Variants in NCKAP5 observed in about 807,000 individuals in gnomAD.
NCKAP5 encodes nck-associated protein 5.
Under a neutral mutation model 167.0 loss-of-function variants are expected in NCKAP5, and 92 were observed. That is an observed-to-expected ratio of 0.55 (90% CI 0.47 to 0.66). The LOEUF is 0.66. Among genes scored for constraint, NCKAP5 ranks in the 30% least tolerant of loss-of-function variants. The pLI, the probability that NCKAP5 is intolerant of heterozygous loss-of-function variation, is 0.00. For synonymous variants in NCKAP5, 891 were observed against 877.4 expected (o/e 1.02, Z -0.27); for missense variants, 2,378 against 2,315.0 (o/e 1.03, Z -0.56).
Position 133,514,157 on chromosome 2 carries a change from A to G in NCKAP5, c.69+3301T>C, listed in dbSNP as rs113364338. Among the ~76,000 whole-genome samples the G allele has an allele frequency of 2.3e-3, 347 of 152,282 alleles. 1 individual carries two copies. The highest frequency in any genetic ancestry group is 8.0e-3 in the African/African-American group (334 of 41,562). On this transcript the variant is annotated intron_variant, in intron 3 of 19. Coordinates refer to ENST00000409261, the MANE Select transcript of NCKAP5 (RefSeq NM_207363.3). ...ATATACGGCTACTCCGCACACTCCT[A>G]CTGGTGGAGGCAAACTTGTAGTCAC...
intron 15 of NCKAP5, among the ~76,000 whole-genome samples, chr2:132,779,431 G>A (rs934824699): frequency 2.6e-5 from 4 of 152,002 alleles, no homozygotes; most frequent in Admixed American, 2.0e-4. Flanking sequence ...TGAATTTCCA[G>A]CATATTGCAC....
intron 6 of NCKAP5, among the ~76,000 whole-genome samples, chr2:133,010,070 CA>C (rs1252875422): frequency 6.3e-4 from 72 of 114,336 alleles, no homozygotes; most frequent in Middle Eastern, 5.2e-3. Flanking sequence ...GATTCTGTCT[CA>C]AAAAAAAAAA....
chr2:133,257,546 C>T (rs911849354), intron 4 of NCKAP5, among the ~76,000 whole-genome samples: 2 of 152,198 alleles, frequency 1.3e-5, no homozygotes, highest in Admixed American at 6.5e-5. Flanking sequence ...TTTCATCATA[C>T]AGTATTGCTT....
At position 133,394,433 on chromosome 2, in the gene NCKAP5, A is replaced by C. The variant is rs201885518; in HGVS notation, c.70-91323T>G. 7.9e-5 allele frequency among the ~76,000 whole-genome samples: 12 copies of C among 152,340 alleles called. No individual in the cohort carries two copies. In the East Asian group the frequency reaches 2.3e-3, roughly 29 times the overall value. ...CAAGAGCTAAGAATGGAGGCACATC[A>C]GTCATTGAAAGAGGCAGGTGTGGGG... On this transcript the variant is annotated intron_variant, in intron 3 of 19. Transcript: ENST00000409261.
At chr2:133,068,628 G>C (rs1370594) in intron 6 of NCKAP5, among the ~76,000 whole-genome samples, 99,101 of 151,930 alleles carry the variant, frequency 0.65, 34,826 homozygotes, top group East Asian at 0.97. Flanking sequence ...AAAAACCAAA[G>C]TAGGAAAAGG....
intron 3 of NCKAP5, among the ~76,000 whole-genome samples, chr2:133,456,002 C>T (rs1403710002): frequency 5.9e-5 from 9 of 152,086 alleles, no homozygotes; most frequent in Non-Finnish European, 8.8e-5. Flanking sequence ...GATAAACATC[C>T]GGGCTCTGTA....
At chr2:133,257,166 A>C (rs1384813837) in intron 4 of NCKAP5, among the ~76,000 whole-genome samples, 1 of 152,218 alleles carries the variant, frequency 6.6e-6, no homozygotes, top group Non-Finnish European at 1.5e-5. Context: ...TTAAGATACC[A>C]GTGGTCAGAA....
intron 3 of NCKAP5, among the ~76,000 whole-genome samples, chr2:133,426,222 G>A (rs1326553043): frequency 7.2e-5 from 11 of 151,754 alleles, no homozygotes; most frequent in Non-Finnish European, 1.5e-5. Context: ...GTGAGGCGAA[G>A]TCACACCATT....
chr2:133,253,503 C>T (rs983047620), intron 4 of NCKAP5, among the ~76,000 whole-genome samples: 2 of 152,332 alleles, frequency 1.3e-5, no homozygotes, highest in East Asian at 1.9e-4. Flanking sequence ...TATGCCCTCT[C>T]TACCACCCAA....
At chr2:133,147,953 G>A (rs891270265) in intron 5 of NCKAP5, among the ~76,000 whole-genome samples, 1 of 152,072 alleles carries the variant, frequency 6.6e-6, no homozygotes, top group African/African-American at 2.4e-5. Context: ...TTTAATGGAT[G>A]CAGTTAGATC....
chr2:132,920,390 C>T (rs533526781), intron 8 of NCKAP5, among the ~76,000 whole-genome samples: 2 of 151,808 alleles, frequency 1.3e-5, no homozygotes, highest in East Asian at 1.9e-4. Context: ...TATTCTCCAT[C>T]CTACACCATG....
intron 8 of NCKAP5, among the ~76,000 whole-genome samples, chr2:132,900,977 G>GAAAA (rs58885401): frequency 3.0e-5 from 3 of 98,698 alleles, no homozygotes; most frequent in Non-Finnish European, 6.2e-5. Flanking sequence ...AAAAAAAAAA[G>GAAAA]AAAAAAAAAA....
At chr2:132,697,320 T>G (rs1687436643) in intron 19 of NCKAP5, among the ~76,000 whole-genome samples, 1 of 152,228 alleles carries the variant, frequency 6.6e-6, no homozygotes, top group South Asian at 2.1e-4. Flanking sequence ...AAGTGCCACT[T>G]GAGTTTACAT....
intron 8 of NCKAP5, among the ~76,000 whole-genome samples, chr2:132,892,971 C>A (rs1403133876): frequency 2.2e-5 from 3 of 136,236 alleles, no homozygotes; most frequent in Admixed American, 7.8e-5. Context: ...AATAGGAATT[C>A]TTGACCTCTG....
chr2:132,869,999 A>T (rs534031950), intron 9 of NCKAP5, among the ~76,000 whole-genome samples: 1 of 152,352 alleles, frequency 6.6e-6, no homozygotes, highest in African/African-American at 2.4e-5. Flanking sequence ...AGCTTGAGAC[A>T]GCAGAAGAAC....
At chr2:132,788,016 C>G (rs1683732025) in intron 13 of NCKAP5, among the ~76,000 whole-genome samples, 1 of 152,302 alleles carries the variant, frequency 6.6e-6, no homozygotes, top group African/African-American at 2.4e-5. Flanking sequence ...CTCCCAGGGC[C>G]CAGGCTCTCT....
chr2:133,105,011 G>A (rs1452462440), intron 6 of NCKAP5, among the ~76,000 whole-genome samples: 1 of 152,146 alleles, frequency 6.6e-6, no homozygotes, highest in Non-Finnish European at 1.5e-5. Context: ...CCGCTAATAA[G>A]TAGCAGGCCT....
intron 4 of NCKAP5, among the ~76,000 whole-genome samples, chr2:133,250,578 C>T (rs540645787): frequency 1.3e-5 from 2 of 152,352 alleles, no homozygotes; most frequent in African/African-American, 4.8e-5. Flanking sequence ...TCACTGCCTG[C>T]TATTTTCTCA....
intron 8 of NCKAP5, among the ~76,000 whole-genome samples, chr2:132,960,139 A>G (rs1352054878): frequency 1.3e-5 from 2 of 152,074 alleles, no homozygotes; most frequent in Non-Finnish European, 2.9e-5. Context: ...AAAGAGAAAG[A>G]GAGAGAGTGT....
Sources: allele counts gnomAD v4.1 joint callset (sites outside exome capture counted in the v4.1 genomes callset), GRCh38; gene constraint gnomAD v4.1.1; transcripts MANE v1.5; gene names NCBI Gene and HGNC (gene_info 2026-07-23, HGNC 2026-07-21).